GNG7: variants seen among roughly 807,000 people sequenced by gnomAD.
The protein encoded by GNG7 is guanine nucleotide-binding protein G(I)/G(S)/G(O) subunit gamma-7.
GNG7 carries 1 observed loss-of-function variant against 4.0 expected under a neutral mutation model. The observed-to-expected ratio is 0.25, with a 90% confidence interval of 0.09 to 1.18. The LOEUF (loss-of-function observed/expected upper bound fraction) is 1.18. Ranked by LOEUF, GNG7 falls within the 50% of genes most tolerant of loss-of-function variation. The pLI is 0.50. For synonymous variants in GNG7, 34 were observed against 36.9 expected, an observed-to-expected ratio of 0.92 and a Z score of 0.29; for missense variants, 86 against 91.9, an observed-to-expected ratio of 0.94 and a Z score of 0.26.
intron 3 of GNG7, among the ~76,000 whole-genome samples, chr19:2,553,125 C>CAAAA (rs36098274): frequency 8.9e-6 from 1 of 112,388 alleles, no homozygotes. Flanking sequence ...AAAGCAAAAC[C>CAAAA]AAAAAAAAAA....
At position 2,513,352 on chromosome 19, in the gene GNG7, C is replaced by A. The variant is rs143375654; in HGVS notation, c.*1670G>T. 160 of 382,816 alleles carry A rather than the reference C, an allele frequency of 4.2e-4. 1 individual carries two copies. Among genetic ancestry groups the A allele is most frequent in the African/African-American group, 3.4e-3 (156 of 45,780 alleles). The allele number at this position is 382,816 out of a possible 1,614,324, so 23.7% of individuals were successfully genotyped here. On this transcript the variant is annotated 3_prime_UTR_variant, in exon 5 of 5. Transcript: ENST00000382159. ...TTTATTCTACTACTTGCTTCTAGGC[C>A]AGCCCCGTGGAGGGGGTCGGGGCGG...
chr19:2,680,409 C>G (rs112842312), intron 1 of GNG7, among the ~76,000 whole-genome samples: 156 of 152,136 alleles, frequency 1.0e-3, no homozygotes, highest in African/African-American at 3.5e-3. Context: ...CTCGGTCTCC[C>G]AAAGTGCTGG....
rs571743794 is a variant in GNG7, at chr19:2,634,778, G to A, written c.-78+11446C>T. Among the ~76,000 whole-genome samples, 1 of 152,100 alleles carries A rather than the reference G, an allele frequency of 6.6e-6. No homozygotes were observed. The highest frequency in any genetic ancestry group is 1.5e-5 in the Non-Finnish European group (1 of 68,010). On this transcript the variant is annotated intron_variant, in intron 2 of 4. Coordinates refer to ENST00000382159, the MANE Select transcript of GNG7 (RefSeq NM_052847.3). The surrounding 1 kb of genome is among the most constrained non-coding windows in gnomAD (Gnocchi z 5.3). Reference sequence around the variant, plus strand: ...CATGCTGAAATCTGGTGACCGACCAGGGGGAAATAAACCCGCTCTGACTGG... The same window carrying A: ...CATGCTGAAATCTGGTGACCGACCAAGGGGAAATAAACCCGCTCTGACTGG...
chr19:2,654,728 A>G (rs1982919831), intron 1 of GNG7, among the ~76,000 whole-genome samples: 1 of 105,372 alleles, frequency 9.5e-6, no homozygotes, highest in Admixed American at 1.0e-4. Context: ...GTCTGTTGTG[A>G]GCAGAGACGC....
chr19:2,643,122 C>T (rs1427287161), intron 2 of GNG7: 1 of 453,218 alleles, frequency 2.2e-6, no homozygotes, highest in Non-Finnish European at 4.4e-6. Flanking sequence ...TCTGAGCCCT[C>T]TCCGGGCTCT....
intron 2 of GNG7, among the ~76,000 whole-genome samples, chr19:2,563,161 G>GA (rs531035942): frequency 8.7e-4 from 132 of 152,088 alleles, no homozygotes; most frequent in African/African-American, 3.1e-3. Flanking sequence ...TGTTAGCCAG[G>GA]ATGGTCTCGA....
rs186389665 is a variant in GNG7 at position 2,558,960 on chromosome 19, G to A, written c.-77-3772C>T. 1.8e-3 allele frequency among the ~76,000 whole-genome samples: 273 copies of A among 151,596 alleles called. 1 individual carries two copies. The highest frequency in any genetic ancestry group is 6.4e-3 in the African/African-American group (264 of 41,312). On this transcript the variant is annotated intron_variant, in intron 2 of 4. Transcript: ENST00000382159. ...ATTACAGGCATGCACCACCACTCTT[G>A]GCTAATTTTTGTATTTTCAGTAGAG...
chr19:2,606,313 A>C (rs191663854), intron 2 of GNG7, among the ~76,000 whole-genome samples: 2 of 152,076 alleles, frequency 1.3e-5, no homozygotes, highest in Admixed American at 6.6e-5. Flanking sequence ...TGGAGGCTAC[A>C]GTGAGCCGAG....
At chr19:2,525,999 C>G (rs10408135) in intron 3 of GNG7, among the ~76,000 whole-genome samples, 98,256 of 126,480 alleles carry the variant, frequency 0.78, 38,263 homozygotes, top group African/African-American at 0.87. Context: ...GAGACAGAGT[C>G]TGGCTCTGTC....
chr19:2,661,257 G>GAAAGAAAGA (rs1983140343), intron 1 of GNG7, among the ~76,000 whole-genome samples: 4 of 71,170 alleles, frequency 5.6e-5, no homozygotes, highest in East Asian at 8.1e-4. Flanking sequence ...AAGAAAGAAA[G>GAAAGAAAGA]AAAGAAAGAA....
intron 3 of GNG7, among the ~76,000 whole-genome samples, chr19:2,551,005 C>G (rs1979299921): frequency 6.6e-6 from 1 of 152,184 alleles, no homozygotes; most frequent in Admixed American, 6.5e-5. Flanking sequence ...GTCATCCCTC[C>G]CAGCAGATGC....
chr19:2,605,790 GT>G (rs1981366819), intron 2 of GNG7, among the ~76,000 whole-genome samples: 3 of 152,170 alleles, frequency 2.0e-5, no homozygotes, highest in South Asian at 2.1e-4. Flanking sequence ...GGGATGACAG[GT>G]GTGAGCCACC....
At position 2,629,609 on chromosome 19, in the gene GNG7, G is replaced by A. The variant is rs950687028; in HGVS notation, c.-78+16615C>T. 3.0e-4 allele frequency among the ~76,000 whole-genome samples: 45 copies of A among 152,312 alleles called. 1 individual carries two copies. The highest frequency in any genetic ancestry group is 1.1e-3 in the African/African-American group (44 of 41,572). On this transcript the variant is annotated intron_variant, in intron 2 of 4. Transcript: ENST00000382159. ...AAGAGGTAGTGGACAAGACCTCACAGACTCACAGACTAGTGGGAGAAGACA... is the reference window on the plus strand; with the variant it reads ...AAGAGGTAGTGGACAAGACCTCACAAACTCACAGACTAGTGGGAGAAGACA...
chr19:2,512,299 G>A lies in GNG7; in HGVS notation c.*2723C>T, dbSNP rs1380161672. 6.1e-6 allele frequency: 6 copies of A among 985,648 alleles called. No individual in the cohort carries two copies. The highest frequency in any genetic ancestry group is 3.5e-5 in the African/African-American group (2 of 57,220). The allele number at this position is 985,648 out of a possible 1,614,324, so 61.1% of individuals were successfully genotyped here. On this transcript the variant is annotated 3_prime_UTR_variant, in exon 5 of 5. Coordinates refer to ENST00000382159, the MANE Select transcript of GNG7 (RefSeq NM_052847.3). This position sits in a 1 kb window ranked among gnomAD's most constrained non-coding sequence, Gnocchi z 4.7. The stretch of plus-strand genomic sequence containing the variant: ...ATGTGGCGGTCGGTGTGTGCACTCG[G>A]GTGCCACGTCTGCAAAGGTATTTTC...
intron 2 of GNG7, among the ~76,000 whole-genome samples, chr19:2,600,465 G>A (rs1209165212): frequency 7.9e-6 from 1 of 126,232 alleles, no homozygotes; most frequent in Non-Finnish European, 1.6e-5. Flanking sequence ...AGAGTATCTT[G>A]GCATTTTTTT....
chr19:2,573,034 T>G (rs544706052), intron 2 of GNG7, among the ~76,000 whole-genome samples: 36 of 149,890 alleles, frequency 2.4e-4, no homozygotes, highest in African/African-American at 3.2e-4. Context: ...TTTTTTTTTT[T>G]TTTTGTTTTG....
chr19:2,635,192 T>G (rs886536538), intron 2 of GNG7, among the ~76,000 whole-genome samples: 1 of 151,870 alleles, frequency 6.6e-6, no homozygotes, highest in Non-Finnish European at 1.5e-5. Context: ...CCCAGATGAG[T>G]GAGGACAGAG....
chr19:2,655,241 C>CA (rs1039526961), intron 1 of GNG7, among the ~76,000 whole-genome samples: 4 of 147,510 alleles, frequency 2.7e-5, no homozygotes, highest in African/African-American at 7.5e-5. Flanking sequence ...GACCCTATCT[C>CA]AAAAAAAAGA....
rs950419450 is a variant in GNG7 at position 2,609,601 on chromosome 19, G to A, written c.-78+36623C>T. Among the ~76,000 whole-genome samples the A allele has an allele frequency of 2.6e-5, 4 of 152,152 alleles. No homozygotes were observed. Among genetic ancestry groups the A allele is most frequent in the African/African-American group, 4.8e-5 (2 of 41,420 alleles). ...CAGTGATGTTTGCGCACCACGTCCC[G>A]AGTGCCAGAGCAGACAGGGTCCCAC... On this transcript the variant is annotated intron_variant, in intron 2 of 4. Transcript: ENST00000382159. This position sits in a 1 kb window ranked among gnomAD's most constrained non-coding sequence, Gnocchi z 4.4.
Sources: allele counts gnomAD v4.1 joint callset (sites outside exome capture counted in the v4.1 genomes callset), GRCh38; gene constraint gnomAD v4.1.1; non-coding constraint Gnocchi (gnomAD v3.1); transcripts MANE v1.5; gene names NCBI Gene and HGNC (gene_info 2026-07-23, HGNC 2026-07-21).